CHSY1: variants seen among roughly 807,000 people sequenced by gnomAD.
CHSY1 encodes the protein chondroitin sulfate synthase 1.
A neutral mutation model predicts 59.8 loss-of-function variants in CHSY1; 13 were observed. The observed-to-expected ratio is 0.22, with a 90% CI of 0.14 to 0.35. The LOEUF (loss-of-function observed/expected upper bound fraction) is 0.35, where lower values mean the gene tolerates loss of function less well. CHSY1 is among the 10% of genes least tolerant of loss of function. The pLI is 1.00. For missense variants in CHSY1, 947 were observed against 1,030.6 expected, an observed-to-expected ratio of 0.92 and a Z score of 1.11; for synonymous variants, 459 against 401.2, an observed-to-expected ratio of 1.14 and a Z score of -1.72.
At position 101,210,572 on chromosome 15, in the gene CHSY1, G is replaced by C. The variant is rs77450617; in HGVS notation, c.816+24510C>G. 6.2e-3 allele frequency among the ~76,000 whole-genome samples: 942 copies of C among 152,288 alleles called. 11 individuals carry two copies. Among genetic ancestry groups the C allele is most frequent in the African/African-American group, 0.021 (891 of 41,546 alleles). On this transcript the variant is annotated intron_variant, in intron 2 of 2. Coordinates refer to ENST00000254190, the MANE Select transcript of CHSY1 (RefSeq NM_014918.5). ...TAATCAAGAAGACTGCGAAATGGAG[G>C]AAAGTGGAGGGAGAAAAGGAGAACT... is the stretch of plus-strand genomic sequence containing the variant.
chr15:101,214,422 G>C (rs1332459118), intron 2 of CHSY1, among the ~76,000 whole-genome samples: 4 of 152,198 alleles, frequency 2.6e-5, no homozygotes, highest in African/African-American at 9.7e-5. Flanking sequence ...AGTAAGATCT[G>C]CATCAACGTC....
At chr15:101,225,289 AAC>A (rs898263816) in intron 2 of CHSY1, among the ~76,000 whole-genome samples, 1 of 151,584 alleles carries the variant, frequency 6.6e-6, no homozygotes. Flanking sequence ...GCTGGTCTTG[AAC>A]TCCTGGGCTC....
rs770812991 is a variant in CHSY1, at chr15:101,235,359, C to A, written c.539G>T (p.Arg180Leu). The change falls in exon 2 of 3, where the codon CGT becomes CTT. Residue 180 changes from arginine to leucine, a missense_variant. Physicochemically the swap from Arg to Leu is moderately radical, Grantham distance 102. This residue lies in a region of CHSY1 where 108 missense variants were observed against 144.4 expected (regional missense o/e 0.75). Coordinates refer to ENST00000254190, the MANE Select transcript of CHSY1 (RefSeq NM_014918.5). Reference protein sequence around the residue: ...ADDDVYIKGDRLENFLRSLNS... With the variant: ...ADDDVYIKGDLLENFLRSLNS... ...CAAACTCCTCAGGAAGTTCTCCAGACGGTCTCCTTTGATGTACACGTCATC... is the reference window on the plus strand; with the variant it reads ...CAAACTCCTCAGGAAGTTCTCCAGAAGGTCTCCTTTGATGTACACGTCATC... 1.2e-6 allele frequency: 2 copies of A among 1,614,214 alleles called. No individual in the cohort carries two copies. The highest frequency in any genetic ancestry group is 2.2e-5 in the South Asian group (2 of 91,078).
chr15:101,223,790 G>C lies in CHSY1; in HGVS notation c.816+11292C>G, dbSNP rs559830713. ...ACTTCCACACTGGGACTCAGGCCTC[G>C]TCTACTACAGAGGACTTCCACACTG... On this transcript the variant is annotated intron_variant, in intron 2 of 2. Transcript: ENST00000254190. Among the ~76,000 whole-genome samples the C allele has an allele frequency of 4.5e-5, 6 of 134,392 alleles. No homozygotes were observed. In the South Asian group the frequency reaches 1.5e-3, roughly 33 times the overall value. 88.2% of individuals were successfully genotyped at this position (134,392 alleles called of 152,430 possible).
intron 2 of CHSY1, among the ~76,000 whole-genome samples, chr15:101,209,586 C>T (rs1001797285): frequency 1.2e-4 from 18 of 151,990 alleles, no homozygotes; most frequent in African/African-American, 4.3e-4. Context: ...GAAAAAAAAA[C>T]CTGCTAAACA....
Position 101,176,630 on chromosome 15 carries a change from C to A in CHSY1, c.*758G>T, listed in dbSNP as rs184438808. On this transcript the variant is annotated 3_prime_UTR_variant, in exon 3 of 3. Coordinates refer to ENST00000254190, the MANE Select transcript of CHSY1 (RefSeq NM_014918.5). The stretch of plus-strand genomic sequence containing the variant: ...CTTGCATGGTGAAACCCCGTCTCTA[C>A]TAAAAATACAAAAAAACTAGCTGGG... The A allele has an allele frequency of 2.7e-6, 1 of 371,548 alleles. No homozygotes were observed. The highest frequency in any genetic ancestry group is 3.8e-5 in the East Asian group (1 of 25,986). 23.0% of individuals were successfully genotyped at this position (371,548 alleles called of 1,614,324 possible). A position where few individuals can be genotyped will look rare whatever the true frequency, so the allele number is the denominator to read the frequency against.
intron 2 of CHSY1, among the ~76,000 whole-genome samples, chr15:101,201,125 G>A (rs1196328005): frequency 6.7e-6 from 1 of 148,242 alleles, no homozygotes; most frequent in African/African-American, 2.5e-5. Flanking sequence ...GCGGGGGGAG[G>A]TGGTCGGGGG....
At chr15:101,198,791 C>CT (rs901987636) in intron 2 of CHSY1, among the ~76,000 whole-genome samples, 1 of 152,248 alleles carries the variant, frequency 6.6e-6, no homozygotes, top group Non-Finnish European at 1.5e-5. Context: ...GTTACACTCA[C>CT]TTTTGTTACT....
At chr15:101,185,740 G>C (rs2038352756) in intron 2 of CHSY1, among the ~76,000 whole-genome samples, 1 of 125,230 alleles carries the variant, frequency 8.0e-6, no homozygotes, top group Non-Finnish European at 1.6e-5. Context: ...CAAGTTTCCA[G>C]TTTCTCTGCT....
At chr15:101,232,862 C>T (rs2038904925) in intron 2 of CHSY1, among the ~76,000 whole-genome samples, 1 of 152,212 alleles carries the variant, frequency 6.6e-6, no homozygotes. Context: ...TGGCACAAGC[C>T]CAGGAGAAGC....
At chr15:101,210,238 T>G (rs1211576875) in intron 2 of CHSY1, among the ~76,000 whole-genome samples, 1 of 152,258 alleles carries the variant, frequency 6.6e-6, no homozygotes, top group African/African-American at 2.4e-5. Flanking sequence ...TAGTAAGGCC[T>G]ATTATAGCCA....
intron 2 of CHSY1, among the ~76,000 whole-genome samples, chr15:101,205,536 G>A (rs963524013): frequency 2.0e-5 from 3 of 152,204 alleles, no homozygotes; most frequent in African/African-American, 7.2e-5. Flanking sequence ...CAAACCTGAA[G>A]AGTACTGTGA....
At chr15:101,236,985 C>T (rs8032820) in intron 1 of CHSY1, among the ~76,000 whole-genome samples, 64,020 of 151,062 alleles carry the variant, frequency 0.42, 15,701 homozygotes, top group African/African-American at 0.69. Context: ...TTTAGGAGGC[C>T]GAGGCAGGCA....
At position 101,178,912 on chromosome 15, in the gene CHSY1, A is replaced by G; in HGVS notation, c.885T>C (p.Ser295=). ...KKGYIRDLHN[S]KIHQAITLHP... ...GTAATGTGATAGCTTGGTGAATTTT[A>G]CTGTTATGGAGATCTCTAATGTACC... The change falls in exon 3 of 3, where the codon AGT becomes AGC. Residue 295 remains serine (S), a synonymous_variant. Transcript: ENST00000254190. 2 of 1,613,990 alleles carry G rather than the reference A, an allele frequency of 1.2e-6. No individual in the cohort carries two copies.
chr15:101,199,280 G>T (rs2038544401), intron 2 of CHSY1, among the ~76,000 whole-genome samples: 1 of 152,158 alleles, frequency 6.6e-6, no homozygotes. Flanking sequence ...GAGGTGGGTG[G>T]ATCATGAGGT....
intron 2 of CHSY1, among the ~76,000 whole-genome samples, chr15:101,204,013 C>T (rs1346579747): frequency 6.6e-6 from 1 of 152,186 alleles, no homozygotes; most frequent in African/African-American, 2.4e-5. Flanking sequence ...GCTGTATCAA[C>T]GTTAATTTCC....
chr15:101,195,864 T>C (rs1340215024), intron 2 of CHSY1, among the ~76,000 whole-genome samples: 1 of 148,648 alleles, frequency 6.7e-6, no homozygotes. Context: ...GAGGAGGTAA[T>C]TGCAGGAGAG....
chr15:101,190,111 T>C (rs1357846522), intron 2 of CHSY1, among the ~76,000 whole-genome samples: 2 of 152,162 alleles, frequency 1.3e-5, no homozygotes, highest in Admixed American at 6.5e-5. Context: ...ACGTCTGCCA[T>C]CTCCAGTTCA....
chr15:101,228,764 A>G (rs2038865245), intron 2 of CHSY1, among the ~76,000 whole-genome samples: 1 of 152,252 alleles, frequency 6.6e-6, no homozygotes, highest in African/African-American at 2.4e-5. Context: ...AACATTATAC[A>G]GTAACTCAAA....
Sources: allele counts gnomAD v4.1 joint callset (sites outside exome capture counted in the v4.1 genomes callset), GRCh38; gene constraint gnomAD v4.1.1; regional missense constraint gnomAD v4.1.1; transcripts MANE v1.5; gene names NCBI Gene and HGNC (gene_info 2026-07-23, HGNC 2026-07-21).